The following HCFC2 variants were observed in gnomAD, a reference collection of about 807,000 sequenced individuals.
HCFC2 encodes host cell factor C2.
A neutral mutation model predicts 89.2 loss-of-function variants in HCFC2; 18 were observed. That is an observed-to-expected ratio of 0.20 (90% CI 0.14 to 0.30). HCFC2 has a LOEUF of 0.30. Ranked by LOEUF, HCFC2 falls within the 10% of genes least tolerant of loss-of-function variation. HCFC2 has a pLI of 1.00. For synonymous variants in HCFC2, 308 were observed against 335.7 expected, an observed-to-expected ratio of 0.92 and a Z score of 0.90; for missense variants, 578 against 956.1, an observed-to-expected ratio of 0.60 and a Z score of 5.21.
At chr12:104,087,421 G>A (rs1181376281) in intron 8 of HCFC2, among the ~76,000 whole-genome samples, 6 of 48,408 alleles carry the variant, frequency 1.2e-4, no homozygotes, top group South Asian at 1.4e-3. Context: ...GTGTGTGTGT[G>A]TGTGTGTGTG....
In HCFC2 at chr12:104,066,242, A is replaced by T; in HGVS notation, c.239A>T (p.Asp80Val). ...TGTGCTGCCCATGGATTTGTCTGTG[A>T]TGGTACCAGAATATTAGTATTTGGG... ...PGCAAHGFVC[D>V]GTRILVFGGM... The change falls in exon 2 of 15, where the codon GAT (aspartate) becomes GTT (valine). Residue 80 changes from aspartate to valine, a missense_variant. Asp to Val is a radical substitution (Grantham distance 152). Coordinates refer to ENST00000229330, the MANE Select transcript of HCFC2 (RefSeq NM_013320.3). The T allele has an allele frequency of 1.4e-5, 22 of 1,612,740 alleles. No homozygotes were observed. Among genetic ancestry groups the T allele is most frequent in the Non-Finnish European group, 1.9e-5 (22 of 1,179,200 alleles).
chr12:104,090,402 G>A (rs566070902), intron 9 of HCFC2, among the ~76,000 whole-genome samples: 1 of 152,028 alleles, frequency 6.6e-6, no homozygotes, highest in Non-Finnish European at 1.5e-5. Flanking sequence ...GCCTTAGAGT[G>A]CATGTCTTCA....
intron 8 of HCFC2, 24 bp from the exon 9 acceptor site, chr12:104,087,962 T>A: frequency 6.5e-7 from 1 of 1,533,600 alleles, no homozygotes; most frequent in South Asian, 1.2e-5. Context: ...AGCATATCAG[T>A]CTGAACCTTT....
intron 3 of HCFC2, among the ~76,000 whole-genome samples, chr12:104,072,480 G>A (rs1883351142): frequency 6.6e-6 from 1 of 151,918 alleles, no homozygotes; most frequent in African/African-American, 2.4e-5. Flanking sequence ...ATAATATTGG[G>A]TCTGCCAATT....
At position 104,098,393 on chromosome 12, in the gene HCFC2, A is replaced by G. The variant is rs148180083; in HGVS notation, c.1791A>G (p.Gln597=). Residue 597 remains glutamine, a synonymous_variant, in exon 13 of 15, where the codon CAA becomes CAG. Transcript: ENST00000229330. ...CCACAGTGAAAGCGGGAGAACGACA[A>G]TGGTGTGATGTGGGAATTTTTAAAA... ...PVATVKAGER[Q]WCDVGIFKNN... is the part of the protein sequence containing the mutation. The G allele has an allele frequency of 5.6e-6, 9 of 1,612,654 alleles. No homozygotes were observed. The African/African-American group carries it at 6.7e-5, about 12-fold the overall frequency.
intron 5 of HCFC2, among the ~76,000 whole-genome samples, chr12:104,081,766 G>C (rs551544552): frequency 2.6e-5 from 4 of 151,902 alleles, no homozygotes; most frequent in Non-Finnish European, 5.9e-5. Flanking sequence ...GTAGCCAGGC[G>C]TGGTGGCTCA....
At chr12:104,076,995 T>C (rs1427435904) in intron 3 of HCFC2, among the ~76,000 whole-genome samples, 1 of 152,238 alleles carries the variant, frequency 6.6e-6, no homozygotes, top group African/African-American at 2.4e-5. Flanking sequence ...TGCGTGTTTA[T>C]ACATCTGTGT....
chr12:104,096,786 T>C (rs1161406077), intron 12 of HCFC2, among the ~76,000 whole-genome samples: 2 of 152,214 alleles, frequency 1.3e-5, no homozygotes, highest in African/African-American at 4.8e-5. Context: ...TAATGCAATG[T>C]TATTTTTATA....
In HCFC2 at chr12:104,079,547, C is replaced by T. The variant is rs779831429; in HGVS notation, c.576C>T (p.Ser192=). ...TKGVVPSPRE[S]HTAVIYCKKD... The stretch of plus-strand genomic sequence containing the variant: ...GGGTTGTGCCTTCTCCAAGAGAATC[C>T]CACACAGCTGTTATATATTGCAAAA... Residue 192 remains serine (S), a synonymous_variant, in exon 4 of 15, where the codon TCC becomes TCT. Transcript: ENST00000229330. 1.9e-6 allele frequency: 3 copies of T among 1,613,788 alleles called. No homozygotes were observed. In the East Asian group the frequency reaches 6.7e-5, roughly 36 times the overall value.
At chr12:104,094,942 G>T (rs531191778) in intron 10 of HCFC2, among the ~76,000 whole-genome samples, 17 of 152,206 alleles carry the variant, frequency 1.1e-4, no homozygotes, top group African/African-American at 4.1e-4. Context: ...TAGGAGAGAG[G>T]TCAGCAAATC....
chr12:104,078,254 G>T (rs2136605237), intron 3 of HCFC2, among the ~76,000 whole-genome samples: 1 of 152,302 alleles, frequency 6.6e-6, no homozygotes, highest in African/African-American at 2.4e-5. Flanking sequence ...GCCCGCCTCA[G>T]CCTCCCAAAG....
Position 104,082,809 on chromosome 12 carries a change from G to A in HCFC2, c.971G>A (p.Gly324Asp), listed in dbSNP as rs1482486099. ...GCTGGCCACTGTGCTGTTGCAATCG[G>A]CACTCGATTGTATTTTTGGAGTGGA... The part of the protein sequence containing the change: ...PRAGHCAVAI[G>D]TRLYFWSGRD... Residue 324 changes from glycine to aspartate, a missense_variant, in exon 7 of 15, where the codon GGC (glycine) becomes GAC (aspartate). Coordinates refer to ENST00000229330, the MANE Select transcript of HCFC2 (RefSeq NM_013320.3). 6.2e-7 allele frequency: 1 copy of A among 1,613,636 alleles called. No homozygotes were observed.
In HCFC2 at chr12:104,067,954, G is replaced by A. The variant is rs774250277; in HGVS notation, c.320G>A (p.Arg107His). The A allele has an allele frequency of 7.0e-6, 11 of 1,567,976 alleles. No individual in the cohort carries two copies. The highest frequency in any genetic ancestry group is 2.0e-5 in the Admixed American group (1 of 49,426). Residue 107 changes from arginine (R) to histidine (H), a missense_variant, in exon 3 of 15, where the codon CGT (arginine) becomes CAT (histidine). By Grantham distance (29) the Arg-to-His change is conservative (BLOSUM62 0). This residue lies in a region of HCFC2 where 206 missense variants were observed against 419.2 expected (regional missense o/e 0.49). Transcript: ENST00000229330. ...SNELYELQAS[R>H]WLWKKVKPHP... ...TGCCCTTTTTTTTTTTAGGCAAGTC[G>A]TTGGTTATGGAAAAAAGTGAAACCC...
intron 7 of HCFC2, among the ~76,000 whole-genome samples, chr12:104,085,624 A>G (rs1380151551): frequency 6.6e-6 from 1 of 152,158 alleles, no homozygotes; most frequent in Admixed American, 6.5e-5. Flanking sequence ...GGCTATGATC[A>G]TAAGGGCAAA....
At chr12:104,087,709 G>T (rs913918316) in intron 8 of HCFC2, among the ~76,000 whole-genome samples, 1 of 151,832 alleles carries the variant, frequency 6.6e-6, no homozygotes, top group Admixed American at 6.6e-5. Flanking sequence ...CATATTAGTT[G>T]ACTTCAGCAG....
intron 12 of HCFC2, among the ~76,000 whole-genome samples, chr12:104,097,316 G>C (rs1283631898): frequency 6.6e-6 from 1 of 151,884 alleles, no homozygotes; most frequent in Non-Finnish European, 1.5e-5. Context: ...TTAAGTTCTA[G>C]TGTTTTTAGA....
At position 104,087,011 on chromosome 12, in the gene HCFC2, C is replaced by A; in HGVS notation, c.1228C>A (p.Gln410Lys). 1 of 1,613,162 alleles carries A rather than the reference C, an allele frequency of 6.2e-7. No homozygotes were observed. Among genetic ancestry groups the A allele is most frequent in the South Asian group, 1.1e-5 (1 of 91,050 alleles). Residue 410 changes from glutamine (Q) to lysine (K), a missense_variant, in exon 8 of 15, where the codon CAA becomes AAA. Coordinates refer to ENST00000229330, the MANE Select transcript of HCFC2 (RefSeq NM_013320.3). ...SSDSSAAPNMQGVRMDPHRQG... is the reference protein window; with the variant it reads ...SSDSSAAPNMKGVRMDPHRQG... The stretch of plus-strand genomic sequence containing the variant: ...AGATTCTTCAGCAGCACCAAATATG[C>A]AAGGTAACATAATTTTCATGCTTAA...
intron 5 of HCFC2, 75 bp downstream of exon 5, chr12:104,080,905 C>A: frequency 3.5e-6 from 3 of 863,380 alleles, no homozygotes; most frequent in Non-Finnish European, 5.5e-6. Flanking sequence ...GAAAGTAATG[C>A]TAGTAGTTTC....
chr12:104,070,778 C>A (rs1002710404), intron 3 of HCFC2, among the ~76,000 whole-genome samples: 3 of 150,920 alleles, frequency 2.0e-5, no homozygotes, highest in Non-Finnish European at 4.4e-5. Context: ...ATTATCCCAC[C>A]ACAGTAATCC....
Sources: gnomAD v4.1 joint callset for allele counts (sites outside exome capture counted in the v4.1 genomes callset) on GRCh38, gnomAD v4.1.1 for gene constraint, gnomAD v4.1.1 regional missense constraint, MANE v1.5 for transcripts, NCBI Gene and HGNC (gene_info 2026-07-23, HGNC 2026-07-21) for gene names.